NRXN3: variants seen among roughly 807,000 people sequenced by gnomAD.
The protein encoded by NRXN3 is neurexin III.
Under a neutral mutation model 137.6 loss-of-function variants are expected in NRXN3, and 32 were observed. The ratio of observed to expected loss-of-function variants is 0.23; its 90% CI spans 0.18 to 0.31. The LOEUF (loss-of-function observed/expected upper bound fraction) is 0.31, where lower values mean the gene tolerates loss of function less well. Ranked by LOEUF, NRXN3 falls within the 10% of genes least tolerant of loss-of-function variation. The probability of loss-of-function intolerance (pLI) is 1.00; values close to 1 mark genes in which losing one functional copy is unlikely to be tolerated. For synonymous variants in NRXN3, 798 were observed against 784.5 expected (o/e 1.02, Z -0.29); for missense variants, 1,574 against 2,062.5 (o/e 0.76, Z 4.59).
chr14:78,495,679 A>T (rs1433613869), intron 4 of NRXN3, among the ~76,000 whole-genome samples: 1 of 152,148 alleles, frequency 6.6e-6, no homozygotes, highest in Non-Finnish European at 1.5e-5. Context: ...CTTGATAGGA[A>T]ATCTGTCATT....
chr14:79,265,340 T>C (rs750441771), intron 15 of NRXN3, among the ~76,000 whole-genome samples: 4 of 151,604 alleles, frequency 2.6e-5, no homozygotes, highest in Non-Finnish European at 5.9e-5. Flanking sequence ...TTTTTATTTA[T>C]GTATTTATTA....
At chr14:79,310,960 C>A (rs1237103354) in intron 15 of NRXN3, among the ~76,000 whole-genome samples, 1 of 122,224 alleles carries the variant, frequency 8.2e-6, no homozygotes, top group Non-Finnish European at 1.6e-5. Context: ...GCCAGAACTT[C>A]CAACACTATG....
At chr14:79,244,939 G>A (rs187219456) in intron 15 of NRXN3, among the ~76,000 whole-genome samples, 1 of 152,206 alleles carries the variant, frequency 6.6e-6, no homozygotes, top group East Asian at 1.9e-4. Context: ...AGGATTAGAG[G>A]TTTCAACTGT....
intron 16 of NRXN3, among the ~76,000 whole-genome samples, chr14:79,658,882 A>G (rs905152733): frequency 6.6e-6 from 1 of 152,168 alleles, no homozygotes; most frequent in African/African-American, 2.4e-5. Context: ...TCTCAGCTGC[A>G]ATTTTCTAAA....
At chr14:78,548,658 A>G (rs2096658468) in intron 4 of NRXN3, among the ~76,000 whole-genome samples, 1 of 152,006 alleles carries the variant, frequency 6.6e-6, no homozygotes, top group Non-Finnish European at 1.5e-5. Context: ...CTGCATCCCA[A>G]CTGGTTGTTA....
chr14:78,244,863 A>G (rs2067458466), intron 2 of NRXN3, among the ~76,000 whole-genome samples: 1 of 152,222 alleles, frequency 6.6e-6, no homozygotes, highest in African/African-American at 2.4e-5. Context: ...CCCAGGTTCA[A>G]CCGTGACTTC....
intron 4 of NRXN3, among the ~76,000 whole-genome samples, chr14:78,569,644 A>T (rs956278103): frequency 2.0e-5 from 3 of 151,788 alleles, no homozygotes; most frequent in Admixed American, 6.6e-5. Flanking sequence ...GCTCACTGCA[A>T]CCTCCACCTT....
intron 4 of NRXN3, chr14:78,403,669 A>G: frequency 4.1e-6 from 4 of 977,288 alleles, no homozygotes; most frequent in Non-Finnish European, 4.9e-6. Context: ...AATCACGAAC[A>G]CCGAGGGCGG....
At chr14:78,429,647 C>T in intron 4 of NRXN3, among the ~76,000 whole-genome samples, 1 of 152,178 alleles carries the variant, frequency 6.6e-6, no homozygotes, top group East Asian at 1.9e-4. Flanking sequence ...AGAGGGAGTT[C>T]TATTTGTTGT....
At chr14:79,529,419 T>G (rs947505216) in intron 16 of NRXN3, among the ~76,000 whole-genome samples, 2 of 152,240 alleles carry the variant, frequency 1.3e-5, no homozygotes, top group African/African-American at 4.8e-5. Flanking sequence ...GGCGCCGGGC[T>G]GCCTGTCTTT....
chr14:79,265,639 T>G (rs941414181), intron 15 of NRXN3, among the ~76,000 whole-genome samples: 3 of 152,148 alleles, frequency 2.0e-5, no homozygotes, highest in African/African-American at 7.2e-5. Flanking sequence ...TTTCATCCTT[T>G]TTTGCTTTGC....
At chr14:78,401,902 C>G (rs1344117982) in intron 4 of NRXN3, among the ~76,000 whole-genome samples, 3 of 152,202 alleles carry the variant, frequency 2.0e-5, no homozygotes, top group Non-Finnish European at 4.4e-5. Flanking sequence ...TTGACTAGAT[C>G]AAACTAGTAA....
At chr14:79,471,703 G>A (rs980498031) in intron 16 of NRXN3, among the ~76,000 whole-genome samples, 8 of 152,166 alleles carry the variant, frequency 5.3e-5, no homozygotes, top group Non-Finnish European at 7.4e-5. Flanking sequence ...GATGTGCAAT[G>A]TTGTGTGGGA....
intron 8 of NRXN3, among the ~76,000 whole-genome samples, chr14:78,740,184 T>A (rs2152925243): frequency 6.6e-6 from 1 of 152,332 alleles, no homozygotes; most frequent in Non-Finnish European, 1.5e-5. Flanking sequence ...ATTCTAGTTT[T>A]AGAAGTTTTT....
intron 4 of NRXN3, among the ~76,000 whole-genome samples, chr14:78,333,012 A>G (rs2081024170): frequency 6.6e-6 from 1 of 152,222 alleles, no homozygotes; most frequent in South Asian, 2.1e-4. Flanking sequence ...GTGCAATGAG[A>G]TCGTGCATAG....
At chr14:79,100,444 G>A (rs568527125) in intron 15 of NRXN3, among the ~76,000 whole-genome samples, 17 of 152,124 alleles carry the variant, frequency 1.1e-4, no homozygotes, top group East Asian at 7.7e-4. Flanking sequence ...TTGTTGGCAC[G>A]GTGTGCCCTT....
intron 4 of NRXN3, among the ~76,000 whole-genome samples, chr14:78,509,722 C>G (rs1053326449): frequency 6.6e-6 from 1 of 152,104 alleles, no homozygotes; most frequent in South Asian, 2.1e-4. Flanking sequence ...ACATGGGTCT[C>G]TATTAGTCAC....
chr14:79,472,987 A>G (rs964011940), intron 16 of NRXN3, among the ~76,000 whole-genome samples: 18 of 152,136 alleles, frequency 1.2e-4, no homozygotes, highest in African/African-American at 4.3e-4. Flanking sequence ...CTCTGTATGT[A>G]ATTTACAGTA....
At chr14:78,319,136 A>T (rs1053222949) in intron 4 of NRXN3, among the ~76,000 whole-genome samples, 9 of 152,224 alleles carry the variant, frequency 5.9e-5, no homozygotes, top group Non-Finnish European at 4.4e-5. Flanking sequence ...GAATGCAAAG[A>T]TCCAAAGGAG....
Sources: allele counts gnomAD v4.1 joint callset (sites outside exome capture counted in the v4.1 genomes callset), GRCh38; gene constraint gnomAD v4.1.1; transcripts MANE v1.5; gene names NCBI Gene and HGNC (gene_info 2026-07-23, HGNC 2026-07-21).